LDLRAD4: variants seen among roughly 807,000 people sequenced by gnomAD.
LDLRAD4 encodes the protein low density lipoprotein receptor class A domain containing 4, also known as low-density lipoprotein receptor class A domain-containing protein 4.
LDLRAD4 carries 5 observed loss-of-function variants against 17.0 expected under a neutral mutation model. The ratio of observed to expected loss-of-function variants is 0.29; its 90% CI spans 0.15 to 0.62. The LOEUF (loss-of-function observed/expected upper bound fraction) is 0.62, where lower values mean the gene tolerates loss of function less well. Ranked by LOEUF, LDLRAD4 falls within the 20% of genes least tolerant of loss-of-function variation. The probability of loss-of-function intolerance (pLI) is 0.84; values close to 1 mark genes in which losing one functional copy is unlikely to be tolerated. For missense variants in LDLRAD4, 340 were observed against 424.7 expected (o/e 0.80, Z 1.75); for synonymous variants, 168 against 171.8 (o/e 0.98, Z 0.17).
intron 2 of LDLRAD4, among the ~76,000 whole-genome samples, chr18:13,405,870 A>G (rs1448499303): frequency 6.6e-6 from 1 of 152,176 alleles, no homozygotes; most frequent in African/African-American, 2.4e-5. Flanking sequence ...GTGAGCACCC[A>G]GGCTCCTGGG....
intron 3 of LDLRAD4, among the ~76,000 whole-genome samples, chr18:13,563,536 G>T (rs575448117): frequency 2.4e-4 from 36 of 152,320 alleles, no homozygotes; most frequent in African/African-American, 7.0e-4. Flanking sequence ...GAGCAGAATG[G>T]ACATGTTCTG....
At chr18:13,497,442 G>A (rs2093493695) in intron 3 of LDLRAD4, among the ~76,000 whole-genome samples, 1 of 151,870 alleles carries the variant, frequency 6.6e-6, no homozygotes, top group Non-Finnish European at 1.5e-5. Context: ...GCCTCCCAAA[G>A]TGCTGGGATT....
At chr18:13,452,037 A>G (rs1426882879) in intron 3 of LDLRAD4, among the ~76,000 whole-genome samples, 1 of 152,170 alleles carries the variant, frequency 6.6e-6, no homozygotes, top group African/African-American at 2.4e-5. Flanking sequence ...GGAGGAAATC[A>G]CCCGGAAGGA....
At chr18:13,370,715 T>TTG (rs1555663260) in intron 1 of LDLRAD4, among the ~76,000 whole-genome samples, 26 of 121,002 alleles carry the variant, frequency 2.1e-4, no homozygotes, top group Non-Finnish European at 3.0e-4. Context: ...TTTGTTTTGT[T>TTG]TTTTTTTTTT....
intron 1 of LDLRAD4, among the ~76,000 whole-genome samples, chr18:13,281,575 G>A (rs1033205002): frequency 6.6e-6 from 1 of 152,230 alleles, no homozygotes; most frequent in African/African-American, 2.4e-5. Context: ...ATGGGCAGTG[G>A]GGAAGCTGTG....
At chr18:13,441,568 T>A (rs2091023541) in intron 3 of LDLRAD4, among the ~76,000 whole-genome samples, 1 of 152,256 alleles carries the variant, frequency 6.6e-6, no homozygotes, top group South Asian at 2.1e-4. Context: ...CCTTCTGGAT[T>A]TCCAGATGAG....
chr18:13,501,587 T>C (rs2093615298), intron 3 of LDLRAD4, among the ~76,000 whole-genome samples: 2 of 151,318 alleles, frequency 1.3e-5, no homozygotes, highest in Admixed American at 6.6e-5. Context: ...TGTGTTGCTT[T>C]TTTTTTTTGC....
chr18:13,270,222 G>A (rs1481299655), intron 1 of LDLRAD4, among the ~76,000 whole-genome samples: 1 of 152,080 alleles, frequency 6.6e-6, no homozygotes, highest in African/African-American at 2.4e-5. Context: ...AATTAGCTGG[G>A]CCTGGTGGCG....
intron 2 of LDLRAD4, among the ~76,000 whole-genome samples, chr18:13,393,796 T>A (rs922451462): frequency 6.6e-6 from 1 of 152,168 alleles, no homozygotes; most frequent in Non-Finnish European, 1.5e-5. Context: ...TTGCCTTCCT[T>A]CATTCTTGTG....
At chr18:13,504,625 A>G (rs1427762296) in intron 3 of LDLRAD4, among the ~76,000 whole-genome samples, 1 of 152,042 alleles carries the variant, frequency 6.6e-6, no homozygotes, top group African/African-American at 2.4e-5. Context: ...ATGGGGTTTC[A>G]CTATGTTGGC....
At chr18:13,536,646 C>T (rs2094204905) in intron 3 of LDLRAD4, among the ~76,000 whole-genome samples, 1 of 151,640 alleles carries the variant, frequency 6.6e-6, no homozygotes, top group Non-Finnish European at 1.5e-5. Context: ...TCAGAACCTT[C>T]AGTACAAACT....
rs192440325 is a variant in LDLRAD4 at position 13,313,113 on chromosome 18, A to G, written c.-383+34925A>G. Among the ~76,000 whole-genome samples, 336 of 152,298 alleles carry G rather than the reference A, an allele frequency of 2.2e-3. 1 individual carries two copies. Among genetic ancestry groups the G allele is most frequent in the Admixed American group, 6.1e-3 (93 of 15,294 alleles). ...CAGGTCACATGCTAAAGAGGGTCCC[A>G]CACTTCATAGAATTTTGGGCGGCTA... On this transcript the variant is annotated intron_variant, in intron 1 of 5. Transcript: ENST00000359446.
chr18:13,315,338 A>G (rs555878106), intron 1 of LDLRAD4, among the ~76,000 whole-genome samples: 2 of 152,222 alleles, frequency 1.3e-5, no homozygotes, highest in Non-Finnish European at 2.9e-5. Flanking sequence ...ATAAAAAATT[A>G]AGGTCCAAAT....
At chr18:13,264,465 T>A (rs911700324) in intron 1 of LDLRAD4, among the ~76,000 whole-genome samples, 13 of 152,286 alleles carry the variant, frequency 8.5e-5, no homozygotes, top group Non-Finnish European at 1.3e-4. Context: ...TTCACCATCA[T>A]TCAATTCCAC....
rs144055479 is a variant in LDLRAD4 at position 13,620,390 on chromosome 18, G to A, written c.182-727G>A. Among the ~76,000 whole-genome samples, 623 of 152,320 alleles carry A rather than the reference G, an allele frequency of 4.1e-3. 5 individuals carry two copies. The highest frequency in any genetic ancestry group is 0.013 in the African/African-American group (559 of 41,576). Reference sequence around the variant, plus strand: ...ACGGTCAGTCACTTCCTTCCAGCACGGGGGACAAGGAGTGAAGCAGGCAGC... The same window carrying A: ...ACGGTCAGTCACTTCCTTCCAGCACAGGGGACAAGGAGTGAAGCAGGCAGC... On this transcript the variant is annotated intron_variant, in intron 3 of 5. Transcript: ENST00000359446.
intron 3 of LDLRAD4, among the ~76,000 whole-genome samples, chr18:13,524,722 C>T (rs190493317): frequency 3.2e-4 from 48 of 152,310 alleles, no homozygotes; most frequent in Admixed American, 1.0e-3. Context: ...ATGGAATGAA[C>T]TGTGCGTATT....
At chr18:13,405,788 A>T (rs2087685007) in intron 2 of LDLRAD4, among the ~76,000 whole-genome samples, 1 of 151,922 alleles carries the variant, frequency 6.6e-6, no homozygotes, top group Admixed American at 6.6e-5. Flanking sequence ...TTCACTGTGG[A>T]CTGTTGAGCT....
chr18:13,444,713 T>C (rs2091269533), intron 3 of LDLRAD4, among the ~76,000 whole-genome samples: 1 of 152,196 alleles, frequency 6.6e-6, no homozygotes, highest in Non-Finnish European at 1.5e-5. Context: ...GGCTCTGTGG[T>C]AGACTTGGTG....
chr18:13,396,833 T>G (rs776755723), intron 2 of LDLRAD4, among the ~76,000 whole-genome samples: 34 of 152,236 alleles, frequency 2.2e-4, no homozygotes, highest in Non-Finnish European at 4.3e-4. Flanking sequence ...ATATTTTCAG[T>G]CTGCAGTTAG....
Sources: gnomAD v4.1 joint callset for allele counts (sites outside exome capture counted in the v4.1 genomes callset) on GRCh38, gnomAD v4.1.1 for gene constraint, MANE v1.5 for transcripts, NCBI Gene and HGNC (gene_info 2026-07-23, HGNC 2026-07-21) for gene names.